Variants in MTA3 observed in about 807,000 individuals in gnomAD.
MTA3 encodes the protein metastasis associated 1 family member 3.
Under a neutral mutation model 83.5 loss-of-function variants are expected in MTA3, and 34 were observed. That is an observed-to-expected ratio of 0.41 (90% CI 0.31 to 0.54). The LOEUF (loss-of-function observed/expected upper bound fraction) is 0.54, where lower values mean the gene tolerates loss of function less well. Ranked by LOEUF, MTA3 falls within the 20% of genes least tolerant of loss-of-function variation. The pLI, the probability that MTA3 is intolerant of heterozygous loss-of-function variation, is 0.33. For synonymous variants in MTA3, 303 were observed against 252.7 expected, an observed-to-expected ratio of 1.20 and a Z score of -1.89; for missense variants, 761 against 726.4, an observed-to-expected ratio of 1.05 and a Z score of -0.55.
intron 3 of MTA3, among the ~76,000 whole-genome samples, chr2:42,580,603 C>T (rs1679511018): frequency 6.6e-6 from 1 of 151,872 alleles, no homozygotes. Flanking sequence ...AACTCCTGAC[C>T]TCATGATCTG....
chr2:42,678,365 C>G (rs767138615), intron 8 of MTA3, among the ~76,000 whole-genome samples: 1 of 151,864 alleles, frequency 6.6e-6, no homozygotes, highest in African/African-American at 2.4e-5. Context: ...TTTGACAGAT[C>G]CTCACTCTGC....
chr2:42,642,511 A>T (rs1426227258), intron 5 of MTA3, among the ~76,000 whole-genome samples: 1 of 152,056 alleles, frequency 6.6e-6, no homozygotes, highest in African/African-American at 2.4e-5. Context: ...AAGAAAAACA[A>T]AATCTGATGT....
intron 2 of MTA3, among the ~76,000 whole-genome samples, chr2:42,525,623 CTACTTTCTTTCT>C (rs1291084418): frequency 1.4e-5 from 2 of 138,752 alleles, no homozygotes; most frequent in Non-Finnish European, 3.1e-5. Flanking sequence ...TCCTTCCTTC[CTACTTTCTTTCT>C]TTCTTTCTTT....
chr2:42,603,633 CATACTT>C (rs1005940288), intron 3 of MTA3, among the ~76,000 whole-genome samples: 31 of 152,290 alleles, frequency 2.0e-4, no homozygotes, highest in African/African-American at 7.2e-4. Flanking sequence ...GTAAAAAACT[CATACTT>C]AGCCAATTTT....
At chr2:42,665,395 A>G (rs200468340) in intron 8 of MTA3, among the ~76,000 whole-genome samples, 1 of 150,852 alleles carries the variant, frequency 6.6e-6, no homozygotes, top group East Asian at 2.2e-4. Context: ...CCTCTCAAAA[A>G]AAAGAAAGAA....
intron 3 of MTA3, among the ~76,000 whole-genome samples, chr2:42,587,697 A>T (rs143678346): frequency 3.9e-5 from 6 of 151,946 alleles, no homozygotes; most frequent in African/African-American, 1.5e-4. Context: ...TGAGGTAGGG[A>T]TTCAAGTGAT....
chr2:42,659,837 C>T lies in MTA3; in HGVS notation c.677C>T (p.Ala226Val). Residue 226 changes from alanine to valine, a missense_variant, in exon 8 of 17, where the codon GCT becomes GTT. Physicochemically the swap from Ala to Val is moderately conservative, Grantham distance 64. Coordinates refer to ENST00000405094, the MANE Select transcript of MTA3 (RefSeq NM_001330442.2). ...CAGCCTAGTTTGCATATGAGTGCTG[C>T]TGCAGCTTCCCGAGACATCACCTTG... ...VRQPSLHMSA[A>V]AASRDITLFH... 6.2e-7 allele frequency: 1 copy of T among 1,605,650 alleles called. No individual in the cohort carries two copies. The highest frequency in any genetic ancestry group is 8.5e-7 in the Non-Finnish European group (1 of 1,176,104).
In MTA3 at chr2:42,677,633, C is replaced by T. The variant is rs924080441; in HGVS notation, c.703-4768C>T. 2.0e-5 allele frequency among the ~76,000 whole-genome samples: 3 copies of T among 152,102 alleles called. 1 individual carries two copies. The highest frequency in any genetic ancestry group is 2.0e-4 in the Admixed American group (3 of 15,254). ...TACTGAGATTACGGGTATGAGCCAC[C>T]GTACCTCGTCCTGATGGTTTTAAAA... On this transcript the variant is annotated intron_variant, in intron 8 of 16. Transcript: ENST00000405094.
In MTA3 at chr2:42,682,452, A is replaced by G. The variant is rs1692018764; in HGVS notation, c.754A>G (p.Ile252Val). The G allele has an allele frequency of 6.2e-7, 1 of 1,612,294 alleles. No homozygotes were observed. The change falls in exon 9 of 17, where the codon ATT becomes GTT. Residue 252 changes from isoleucine (I) to valine (V), a missense_variant. Ile to Val is a conservative substitution (Grantham distance 29). Coordinates refer to ENST00000405094, the MANE Select transcript of MTA3 (RefSeq NM_001330442.2). ...YRHSYDLSSA[I>V]SVLVPLGGPV... ...ACACAGCTATGATTTGAGCAGTGCC[A>G]TTAGTGTCTTAGTACCACTCGGAGG...
Position 42,708,027 on chromosome 2 carries a change from G to A in MTA3, c.1275G>A (p.Glu425=). 6.2e-7 allele frequency: 1 copy of A among 1,611,730 alleles called. No individual in the cohort carries two copies. Among genetic ancestry groups the A allele is most frequent in the South Asian group, 1.1e-5 (1 of 90,402 alleles). ...GLKMPTQSEE[E]KLSPSPTTED... ...AAATGCCCACCCAGTCAGAAGAAGA[G>A]AAGTTATCTCCTAGCCCAACTACAG... Residue 425 remains glutamate, a synonymous_variant, in exon 13 of 17, where the codon GAG becomes GAA. Transcript: ENST00000405094.
intron 2 of MTA3, among the ~76,000 whole-genome samples, chr2:42,543,826 A>G (rs1676633815): frequency 6.6e-6 from 1 of 151,832 alleles, no homozygotes; most frequent in Non-Finnish European, 1.5e-5. Context: ...TAACATATAC[A>G]TACATTAAAA....
At chr2:42,527,019 ACTC>A (rs1273315429) in intron 2 of MTA3, among the ~76,000 whole-genome samples, 1 of 133,352 alleles carries the variant, frequency 7.5e-6, no homozygotes, top group Non-Finnish European at 1.5e-5. Context: ...CCGCCACTGC[ACTC>A]CAGCCTGATA....
chr2:42,519,213 C>T (rs1309397358), intron 2 of MTA3, among the ~76,000 whole-genome samples: 1 of 151,946 alleles, frequency 6.6e-6, no homozygotes, highest in Non-Finnish European at 1.5e-5. Context: ...ATCTCACAAC[C>T]CAATCTGATT....
upstream of MTA3, chr2:42,494,124 C>G (rs959316667): frequency 6.5e-6 from 1 of 154,758 alleles, no homozygotes; most frequent in Non-Finnish European, 1.4e-5. Flanking sequence ...GCGCCCGCAC[C>G]TCCCCGGCTT....
intron 4 of MTA3, among the ~76,000 whole-genome samples, chr2:42,616,182 C>G (rs1055067845): frequency 6.6e-6 from 1 of 152,214 alleles, no homozygotes; most frequent in East Asian, 1.9e-4. Context: ...ACCTCAGCCT[C>G]CCGAATAGCT....
chr2:42,615,824 C>T (rs1573298671), intron 4 of MTA3, among the ~76,000 whole-genome samples: 2 of 143,538 alleles, frequency 1.4e-5, no homozygotes, highest in Non-Finnish European at 3.0e-5. Context: ...GGGTTCACGC[C>T]ATTCTCCTGC....
chr2:42,648,173 G>T (rs376282202), intron 6 of MTA3, among the ~76,000 whole-genome samples: 4 of 152,106 alleles, frequency 2.6e-5, no homozygotes, highest in Non-Finnish European at 5.9e-5. Flanking sequence ...ATTTTTTTAG[G>T]GGGGAAGGAG....
intron 3 of MTA3, among the ~76,000 whole-genome samples, chr2:42,583,206 G>A (rs1679867666): frequency 6.6e-6 from 1 of 152,128 alleles, no homozygotes; most frequent in Non-Finnish European, 1.5e-5. Context: ...TTATCCCTAT[G>A]GGTGGATTAC....
chr2:42,677,787 ACTT>A (rs1044524532), intron 8 of MTA3, among the ~76,000 whole-genome samples: 1 of 151,960 alleles, frequency 6.6e-6, no homozygotes, highest in African/African-American at 2.4e-5. Flanking sequence ...AGTCCAATAA[ACTT>A]CTTTCTTTTG....
Sources: gnomAD v4.1 joint callset for allele counts (sites outside exome capture counted in the v4.1 genomes callset) on GRCh38, gnomAD v4.1.1 for gene constraint, MANE v1.5 for transcripts, NCBI Gene and HGNC (gene_info 2026-07-23, HGNC 2026-07-21) for gene names.